The following MBNL2 variants were observed in gnomAD, a reference collection of about 807,000 sequenced individuals.
The protein encoded by MBNL2 is muscleblind like splicing regulator 2.
Under a neutral mutation model 41.9 loss-of-function variants are expected in MBNL2, and 17 were observed. The ratio of observed to expected loss-of-function variants is 0.41; its 90% confidence interval spans 0.28 to 0.61. The LOEUF is 0.61. Ranked by LOEUF, MBNL2 falls within the 20% of genes least tolerant of loss-of-function variation. The probability of loss-of-function intolerance (pLI) is 0.35; values close to 1 mark genes in which losing one functional copy is unlikely to be tolerated. For synonymous variants in MBNL2, 195 were observed against 182.9 expected, an observed-to-expected ratio of 1.07 and a Z score of -0.53; for missense variants, 336 against 505.6, an observed-to-expected ratio of 0.66 and a Z score of 3.22.
intron 1 of MBNL2, among the ~76,000 whole-genome samples, chr13:97,252,969 GTCTC>G (rs913570423): frequency 6.6e-6 from 1 of 152,128 alleles, no homozygotes; most frequent in African/African-American, 2.4e-5. Context: ...AGTGACAGAG[GTCTC>G]TCTCTATTTT....
At chr13:97,199,074 C>T in the MBNL2 span, among the ~76,000 whole-genome samples, 1 of 152,084 alleles carries the variant, frequency 6.6e-6, no homozygotes, top group Admixed American at 6.6e-5. Context: ...TTATCCATAT[C>T]CACCTTTCTC....
At chr13:97,298,768 G>A (rs928789142) in intron 2 of MBNL2, among the ~76,000 whole-genome samples, 10 of 152,168 alleles carry the variant, frequency 6.6e-5, no homozygotes, top group African/African-American at 2.4e-4. Flanking sequence ...ATTAAAGTAG[G>A]GAATGATGGG....
chr13:97,222,687 T>A (rs2040987413), intron 1 of MBNL2, among the ~76,000 whole-genome samples, 156 bp downstream of exon 1: 1 of 152,182 alleles, frequency 6.6e-6, no homozygotes, highest in South Asian at 2.1e-4. Flanking sequence ...ACATTTTGAT[T>A]TGAGAAAAAG....
chr13:97,222,955 G>A (rs1216491581), intron 1 of MBNL2, among the ~76,000 whole-genome samples: 3 of 152,042 alleles, frequency 2.0e-5, no homozygotes, highest in African/African-American at 4.8e-5. Context: ...AATAATCATC[G>A]GTTGAATGTT....
At chr13:97,146,008 G>A in the MBNL2 span, among the ~76,000 whole-genome samples, 4 of 134,926 alleles carry the variant, frequency 3.0e-5, no homozygotes, top group Admixed American at 7.3e-5. Flanking sequence ...TCTTTGAAAC[G>A]GAGTCTCACT....
rs1359203474 is a variant in MBNL2, at chr13:97,346,051, A to G, written c.541-753A>G. The stretch of plus-strand genomic sequence containing the variant: ...AGATAGATGATTAATTAATTGATAG[A>G]TTTTAGATAGATCAGTAGATGATAG... On this transcript the variant is annotated intron_variant, in intron 4 of 8. Coordinates refer to ENST00000679496, the MANE Select transcript of MBNL2 (RefSeq NM_001382683.1). This position sits in a 1 kb window ranked among gnomAD's most constrained non-coding sequence, Gnocchi z 4.2. 6.6e-6 allele frequency among the ~76,000 whole-genome samples: 1 copy of G among 152,142 alleles called. No individual in the cohort carries two copies. The highest frequency in any genetic ancestry group is 2.4e-5 in the African/African-American group (1 of 41,422).
At chr13:97,164,989 C>T in the MBNL2 span, among the ~76,000 whole-genome samples, 11 of 152,116 alleles carry the variant, frequency 7.2e-5, no homozygotes, top group Non-Finnish European at 1.2e-4. Flanking sequence ...GGATCACTTG[C>T]GGTCAGGAGT....
chr13:97,351,722 C>A (rs2062481069), intron 5 of MBNL2, among the ~76,000 whole-genome samples: 1 of 152,128 alleles, frequency 6.6e-6, no homozygotes, highest in Admixed American at 6.5e-5. Context: ...GAGTCAGGAC[C>A]TTGCTCTAAA....
chr13:97,365,013 T>C (rs1257330274), intron 7 of MBNL2, 123 bp from the exon 8 acceptor site: 4 of 777,272 alleles, frequency 5.1e-6, no homozygotes, highest in Non-Finnish European at 9.6e-6. Context: ...CCTAAAAGAC[T>C]GTGTTAACTA....
the MBNL2 span, among the ~76,000 whole-genome samples, chr13:97,205,161 ACT>A: frequency 6.8e-6 from 1 of 147,300 alleles, no homozygotes; most frequent in South Asian, 2.1e-4. Flanking sequence ...ACAGAGTGAG[ACT>A]CTGTCTCAAA....
upstream of MBNL2, among the ~76,000 whole-genome samples, chr13:97,221,159 G>C (rs3825522): frequency 0.038 from 5,814 of 152,250 alleles, 198 homozygotes; most frequent in South Asian, 0.14. Flanking sequence ...CAGATGCGCT[G>C]AACAGTTGCT....
intron 1 of MBNL2, among the ~76,000 whole-genome samples, chr13:97,235,262 C>A (rs1356775800): frequency 1.3e-5 from 2 of 152,092 alleles, no homozygotes; most frequent in East Asian, 3.9e-4. Flanking sequence ...GCCCTATAAA[C>A]CCAGCAAGCA....
At chr13:97,222,723 G>A (rs1217755122) in intron 1 of MBNL2, among the ~76,000 whole-genome samples, 192 bp downstream of exon 1, 1 of 152,144 alleles carries the variant, frequency 6.6e-6, no homozygotes, top group African/African-American at 2.4e-5. Context: ...AATCTATGCC[G>A]CCTGTTTGGG....
chr13:97,354,199 CCT>C (rs2062778364), intron 5 of MBNL2, among the ~76,000 whole-genome samples: 2 of 152,104 alleles, frequency 1.3e-5, no homozygotes, highest in Non-Finnish European at 2.9e-5. Context: ...GGCTCAATTA[CCT>C]GTCTTGGTGC....
intron 2 of MBNL2, among the ~76,000 whole-genome samples, chr13:97,326,817 A>C (rs2059944164): frequency 6.6e-6 from 1 of 152,210 alleles, no homozygotes; most frequent in Admixed American, 6.5e-5. Context: ...TAATGTCATA[A>C]ATTAAGCCTT....
rs1188686647 is a variant in MBNL2, at chr13:97,392,183, G to A, written c.*734G>A. On this transcript the variant is annotated 3_prime_UTR_variant, in exon 9 of 9. Transcript: ENST00000679496. ...TCATCCAGCTTGACAAGATTGAGAG[G>A]CCCATGCCAACAGTCTAATCTAAGA... is the stretch of plus-strand genomic sequence containing the variant. 1 of 152,528 alleles carries A rather than the reference G, an allele frequency of 6.6e-6. No individual in the cohort carries two copies. The highest frequency in any genetic ancestry group is 2.4e-5 in the African/African-American group (1 of 41,430). The allele number at this position is 152,528 out of a possible 1,614,324, so 9.4% of individuals were successfully genotyped here.
At chr13:97,155,522 A>G in the MBNL2 span, among the ~76,000 whole-genome samples, 3 of 149,820 alleles carry the variant, frequency 2.0e-5, no homozygotes, top group East Asian at 4.0e-4. Flanking sequence ...CATTAGGTAT[A>G]TCTCCCAATG....
At chr13:97,192,149 A>G in the MBNL2 span, among the ~76,000 whole-genome samples, 7 of 152,344 alleles carry the variant, frequency 4.6e-5, no homozygotes, top group Non-Finnish European at 5.9e-5. Context: ...CGTATGAGAG[A>G]ATAACATCTT....
At chr13:97,391,252 G>A in intron 8 of MBNL2, 70 bp from the exon 9 acceptor site, 1 of 727,274 alleles carries the variant, frequency 1.4e-6, no homozygotes, top group Non-Finnish European at 2.4e-6. Flanking sequence ...TTTTTGAAGA[G>A]TAAAACTTAA....
Sources: allele counts gnomAD v4.1 joint callset (sites outside exome capture counted in the v4.1 genomes callset), GRCh38; gene constraint gnomAD v4.1.1; non-coding constraint Gnocchi (gnomAD v3.1); transcripts MANE v1.5; gene names NCBI Gene and HGNC (gene_info 2026-07-23, HGNC 2026-07-21).